ARAP2: variants seen among roughly 807,000 people sequenced by gnomAD.
ARAP2 encodes arf-GAP with Rho-GAP domain, ANK repeat and PH domain-containing protein 2.
ARAP2 carries 148 observed loss-of-function variants against 194.5 expected under a neutral mutation model. The ratio of observed to expected loss-of-function variants is 0.76; its 90% CI spans 0.67 to 0.87. The LOEUF (loss-of-function observed/expected upper bound fraction) is 0.87. Ranked by LOEUF, ARAP2 falls within the 40% of genes least tolerant of loss-of-function variation. ARAP2 has a pLI of 0.00. For missense variants in ARAP2, 2,128 were observed against 1,989.7 expected (o/e 1.07, Z -1.32); for synonymous variants, 695 against 683.5 (o/e 1.02, Z -0.26).
At chr4:36,013,169 G>A (rs1042261211) in intron 8 of ARAP2, among the ~76,000 whole-genome samples, 17 of 152,076 alleles carry the variant, frequency 1.1e-4, no homozygotes, top group African/African-American at 4.1e-4. Context: ...TAAAAAGTGT[G>A]GCCCTTGTCT....
intron 2 of ARAP2, among the ~76,000 whole-genome samples, chr4:36,223,941 T>C (rs909232116): frequency 6.6e-6 from 1 of 152,058 alleles, no homozygotes; most frequent in African/African-American, 2.4e-5. Flanking sequence ...AAGACAACTA[T>C]CATTGGTATC....
chr4:36,037,388 C>T (rs1720104856), intron 5 of ARAP2, among the ~76,000 whole-genome samples: 1 of 152,126 alleles, frequency 6.6e-6, no homozygotes, highest in Non-Finnish European at 1.5e-5. Context: ...ATGACATTAA[C>T]TAAGCCTGAA....
intron 8 of ARAP2, among the ~76,000 whole-genome samples, chr4:36,013,359 G>A (rs6531405): frequency 0.07 from 10,732 of 152,246 alleles, 1,165 homozygotes; most frequent in African/African-American, 0.24. Context: ...GTTGCTGCTA[G>A]TATAAATGTC....
chr4:36,054,859 T>C (rs999045894), intron 2 of ARAP2, among the ~76,000 whole-genome samples: 1 of 152,180 alleles, frequency 6.6e-6, no homozygotes, highest in Non-Finnish European at 1.5e-5. Context: ...TAGGGCATAA[T>C]AGAAGATCCC....
At position 36,121,223 on chromosome 4, in the gene ARAP2, T is replaced by G. The variant is rs200870861; in HGVS notation, c.3850A>C (p.Asn1284His). ...TTATTAATTAGGTCCTCAATTACAT[T>G]CACTTCTTCACTAGTTTGTCCCTTC... ...QTKGQTSEEV[N>H]VIEDLINNYV... Residue 1284 changes from asparagine (N) to histidine (H), a missense_variant, in exon 23 of 33, where the codon AAT (asparagine) becomes CAT (histidine). Coordinates refer to ENST00000303965, the MANE Select transcript of ARAP2 (RefSeq NM_015230.4). 21 of 1,605,196 alleles carry G rather than the reference T, an allele frequency of 1.3e-5. No individual in the cohort carries two copies. In the African/African-American group the frequency reaches 2.5e-4, roughly 19 times the overall value.
At chr4:36,092,124 T>C (rs549452101) in intron 27 of ARAP2, 104 bp from the exon 28 acceptor site, 1 of 1,292,296 alleles carries the variant, frequency 7.7e-7, no homozygotes, top group Non-Finnish European at 1.0e-6. Flanking sequence ...TAAGAACTTG[T>C]TTACTACCGC....
At chr4:36,197,846 G>A (rs1302945220) in intron 6 of ARAP2, among the ~76,000 whole-genome samples, 3 of 152,156 alleles carry the variant, frequency 2.0e-5, no homozygotes, top group Non-Finnish European at 4.4e-5. Context: ...GAAACATGGT[G>A]GCGGCTGGAA....
chr4:36,190,404 C>A (rs1741613330), intron 7 of ARAP2, among the ~76,000 whole-genome samples: 1 of 152,202 alleles, frequency 6.6e-6, no homozygotes, highest in African/African-American at 2.4e-5. Context: ...TCCTCACCAC[C>A]TTTCATGTAG....
intron 19 of ARAP2, among the ~76,000 whole-genome samples, chr4:36,137,082 C>A (rs1727024510): frequency 6.6e-6 from 1 of 151,792 alleles, no homozygotes; most frequent in Admixed American, 6.6e-5. Flanking sequence ...TGATGAGATA[C>A]TCTAAAAATA....
At chr4:36,098,048 G>C (rs568741559) in intron 27 of ARAP2, among the ~76,000 whole-genome samples, 1 of 40,708 alleles carries the variant, frequency 2.5e-5, no homozygotes, top group African/African-American at 1.3e-4. Flanking sequence ...TGAAAAGCTC[G>C]CACCTCCAAA....
chr4:36,216,562 C>T (rs185187917), intron 2 of ARAP2, among the ~76,000 whole-genome samples: 12 of 152,096 alleles, frequency 7.9e-5, no homozygotes, highest in Admixed American at 4.6e-4. Context: ...ATTAACAATC[C>T]TACCAAAAAT....
intron 25 of ARAP2, among the ~76,000 whole-genome samples, chr4:36,115,365 T>C (rs1156840742): frequency 6.6e-6 from 1 of 152,032 alleles, no homozygotes; most frequent in Non-Finnish European, 1.5e-5. Flanking sequence ...ATGGAGTAGT[T>C]GAATCATTTC....
At chr4:36,236,408 A>G (rs1752464201) in intron 1 of ARAP2, among the ~76,000 whole-genome samples, 1 of 152,150 alleles carries the variant, frequency 6.6e-6, no homozygotes, top group Admixed American at 6.5e-5. Flanking sequence ...CCTTTGCCTA[A>G]CTATATGTTA....
rs192855707 is a variant in ARAP2 at position 36,080,514 on chromosome 4, G to A, written c.4545-235C>T. 2.4e-3 allele frequency among the ~76,000 whole-genome samples: 360 copies of A among 152,284 alleles called. 2 individuals carry two copies. The highest frequency in any genetic ancestry group is 1.2e-3 in the Admixed American group (18 of 15,282). ...AAACAAAATACAACTGAAGCCTTTGGTAAGTGCTGCAAAATGATGACCAAT... is the reference window on the plus strand; with the variant it reads ...AAACAAAATACAACTGAAGCCTTTGATAAGTGCTGCAAAATGATGACCAAT... On this transcript the variant is annotated intron_variant, in intron 30 of 32. Coordinates refer to ENST00000303965, the MANE Select transcript of ARAP2 (RefSeq NM_015230.4).
intron 9 of ARAP2, among the ~76,000 whole-genome samples, chr4:36,170,303 T>C (rs1560583864): frequency 1.3e-5 from 2 of 152,228 alleles, no homozygotes. Flanking sequence ...AATACTTCTC[T>C]CTTGACCAGG....
intron 27 of ARAP2, among the ~76,000 whole-genome samples, chr4:36,092,632 A>G (rs1714028780): frequency 6.6e-6 from 1 of 152,140 alleles, no homozygotes; most frequent in African/African-American, 2.4e-5. Flanking sequence ...AAAAAAGAAT[A>G]TATCACAATT....
Position 36,193,620 on chromosome 4 carries a change from C to T in ARAP2, c.1515G>A (p.Val505=), listed in dbSNP as rs779238668. The change falls in exon 7 of 33, where the codon GTG becomes GTA. Residue 505 remains valine, a synonymous_variant. Transcript: ENST00000303965. ...AAGAAATGCTAAGGCCATCAAATTT[C>T]ACCCATCTCTTTTGAAACATGCGTT... ...QGKRMFQKRW[V]KFDGLSISYY... 1 of 1,601,436 alleles carries T rather than the reference C, an allele frequency of 6.2e-7. No homozygotes were observed. Among genetic ancestry groups the T allele is most frequent in the Non-Finnish European group, 8.5e-7 (1 of 1,174,550 alleles).
intron 19 of ARAP2, among the ~76,000 whole-genome samples, chr4:36,136,759 C>T (rs1726816202): frequency 6.6e-6 from 1 of 150,800 alleles, no homozygotes; most frequent in Admixed American, 6.6e-5. Flanking sequence ...GATGTAACCA[C>T]AAACCAGTCT....
intron 28 of ARAP2, among the ~76,000 whole-genome samples, chr4:36,083,714 T>C (rs1730152839): frequency 6.6e-6 from 1 of 152,286 alleles, no homozygotes; most frequent in African/African-American, 2.4e-5. Flanking sequence ...CACATGGCTC[T>C]ATAATTCTTG....
Sources: allele counts gnomAD v4.1 joint callset (sites outside exome capture counted in the v4.1 genomes callset), GRCh38; gene constraint gnomAD v4.1.1; transcripts MANE v1.5; gene names NCBI Gene and HGNC (gene_info 2026-07-23, HGNC 2026-07-21).